Variants in ARHGAP15 observed in about 807,000 individuals in gnomAD.
ARHGAP15 encodes rho GTPase-activating protein 15.
ARHGAP15 carries 51 observed loss-of-function variants against 63.7 expected under a neutral mutation model. That is an observed-to-expected ratio of 0.80 (90% CI 0.64 to 1.01). ARHGAP15 has a LOEUF of 1.01. Among genes scored for constraint, ARHGAP15 ranks in the 50% least tolerant of loss-of-function variants. The pLI is 0.00. For missense variants in ARHGAP15, 560 were observed against 564.6 expected, an observed-to-expected ratio of 0.99 and a Z score of 0.08; for synonymous variants, 191 against 193.8, an observed-to-expected ratio of 0.99 and a Z score of 0.12.
rs115775033 is a variant in ARHGAP15, at chr2:143,216,303, A to C, written c.235-81A>C. ...ACTGAAAACTTCCGTCACTGCAATG[A>C]CTCTTGAAAAGCATAGGTTTATTCA... On this transcript the variant is annotated intron_variant, in intron 3 of 13. Coordinates refer to ENST00000295095, the MANE Select transcript of ARHGAP15 (RefSeq NM_018460.4). The C allele has an allele frequency of 7.9e-4, 838 of 1,064,372 alleles. 7 individuals are homozygous for C. The African/African-American group carries it at 0.012, about 15-fold the overall frequency. The allele number at this position is 1,064,372 out of a possible 1,614,324, so 65.9% of individuals were successfully genotyped here.
chr2:143,755,943 G>A (rs1686561074), intron 13 of ARHGAP15, among the ~76,000 whole-genome samples: 1 of 151,690 alleles, frequency 6.6e-6, no homozygotes, highest in Non-Finnish European at 1.5e-5. Context: ...TCCAGCCTGG[G>A]TAACAGAGTG....
At chr2:143,397,384 T>C (rs865877110) in intron 6 of ARHGAP15, among the ~76,000 whole-genome samples, 79 of 151,830 alleles carry the variant, frequency 5.2e-4, no homozygotes, top group African/African-American at 1.8e-3. Context: ...ATGTGATAAA[T>C]GTGTGACTAG....
intron 6 of ARHGAP15, among the ~76,000 whole-genome samples, chr2:143,390,389 A>T (rs1279494595): frequency 6.6e-6 from 1 of 152,142 alleles, no homozygotes; most frequent in African/African-American, 2.4e-5. Context: ...GCTAAAGCTC[A>T]TCTGTCCCTC....
At chr2:143,509,263 C>T (rs901435647) in intron 9 of ARHGAP15, among the ~76,000 whole-genome samples, 19 of 151,254 alleles carry the variant, frequency 1.3e-4, no homozygotes, top group African/African-American at 3.7e-4. Flanking sequence ...TTGGTAACTC[C>T]TATTTATTTA....
chr2:143,237,226 A>T (rs1174453298), intron 5 of ARHGAP15: 6 of 152,190 alleles, frequency 3.9e-5, no homozygotes, highest in Admixed American at 3.9e-4. Context: ...TTAAAAACAC[A>T]TGCAGGACTT....
At chr2:143,464,381 C>G (rs1212534234) in intron 8 of ARHGAP15, among the ~76,000 whole-genome samples, 1 of 151,904 alleles carries the variant, frequency 6.6e-6, no homozygotes, top group Non-Finnish European at 1.5e-5. Context: ...TTATGGAAAA[C>G]AGGTGTCTAG....
chr2:143,228,975 G>T (rs1167021238), intron 5 of ARHGAP15, among the ~76,000 whole-genome samples: 1 of 152,124 alleles, frequency 6.6e-6, no homozygotes, highest in East Asian at 1.9e-4. Context: ...TTTATGAAAT[G>T]ATCACTAAAT....
chr2:143,539,047 C>G (rs1031133044), intron 10 of ARHGAP15, among the ~76,000 whole-genome samples: 1 of 152,182 alleles, frequency 6.6e-6, no homozygotes, highest in African/African-American at 2.4e-5. Flanking sequence ...ATTATTGCCT[C>G]AATTTCAGAG....
intron 6 of ARHGAP15, among the ~76,000 whole-genome samples, chr2:143,271,685 T>C (rs1252069023): frequency 6.6e-6 from 1 of 152,166 alleles, no homozygotes; most frequent in Non-Finnish European, 1.5e-5. Context: ...ACCATGTTAG[T>C]CGGGATAGTC....
intron 6 of ARHGAP15, among the ~76,000 whole-genome samples, chr2:143,356,533 A>T (rs143030249): frequency 5.5e-4 from 83 of 152,266 alleles, no homozygotes; most frequent in Middle Eastern, 3.4e-3. Context: ...AAGTTGGTTG[A>T]TGAATTCTAT....
At chr2:143,335,488 C>T (rs1276221184) in intron 6 of ARHGAP15, among the ~76,000 whole-genome samples, 1 of 152,094 alleles carries the variant, frequency 6.6e-6, no homozygotes, top group Non-Finnish European at 1.5e-5. Context: ...GTTTGGGATT[C>T]TGCAAATTTC....
intron 5 of ARHGAP15, among the ~76,000 whole-genome samples, chr2:143,239,989 T>A (rs1328159304): frequency 4.6e-5 from 1 of 21,936 alleles, no homozygotes; most frequent in Non-Finnish European, 7.5e-5. Context: ...AGACTCTGTC[T>A]CAAAAAAAAA....
chr2:143,686,709 T>A (rs1298780160), intron 12 of ARHGAP15, among the ~76,000 whole-genome samples: 1 of 152,138 alleles, frequency 6.6e-6, no homozygotes. Flanking sequence ...CTTAAATGTG[T>A]CTGGTCAGAA....
intron 11 of ARHGAP15, among the ~76,000 whole-genome samples, chr2:143,584,720 T>C (rs1192316669): frequency 6.6e-6 from 1 of 152,180 alleles, no homozygotes; most frequent in Non-Finnish European, 1.5e-5. Context: ...GCAATCTTTA[T>C]GAATGTGAGT....
intron 6 of ARHGAP15, among the ~76,000 whole-genome samples, chr2:143,356,651 C>A (rs888076879): frequency 2.0e-5 from 3 of 152,096 alleles, no homozygotes; most frequent in African/African-American, 7.2e-5. Context: ...AAAAGAAACG[C>A]TTACCTTTAA....
At chr2:143,323,194 A>AC (rs1313543058) in intron 6 of ARHGAP15, among the ~76,000 whole-genome samples, 1 of 152,220 alleles carries the variant, frequency 6.6e-6, no homozygotes, top group Non-Finnish European at 1.5e-5. Context: ...TTGAGAAGGA[A>AC]CACGTACAGG....
intron 6 of ARHGAP15, among the ~76,000 whole-genome samples, chr2:143,386,839 A>G (rs867843282): frequency 6.4e-4 from 96 of 149,426 alleles, no homozygotes; most frequent in African/African-American, 2.3e-3. Context: ...TTGGTTGTTT[A>G]TTTTTTTTTT....
At chr2:143,273,285 T>A (rs1022006370) in intron 6 of ARHGAP15, among the ~76,000 whole-genome samples, 3 of 152,176 alleles carry the variant, frequency 2.0e-5, no homozygotes, top group Admixed American at 6.5e-5. Context: ...TAAAAAAAAA[T>A]TCAACAAGCT....
At chr2:143,401,286 A>G (rs1242859976) in intron 6 of ARHGAP15, among the ~76,000 whole-genome samples, 2 of 152,006 alleles carry the variant, frequency 1.3e-5, no homozygotes, top group African/African-American at 4.8e-5. Flanking sequence ...AGATAGAAAA[A>G]TTTAAATATA....
Sources: allele counts gnomAD v4.1 joint callset (sites outside exome capture counted in the v4.1 genomes callset), GRCh38; gene constraint gnomAD v4.1.1; transcripts MANE v1.5; gene names NCBI Gene and HGNC (gene_info 2026-07-23, HGNC 2026-07-21).